Variants in GALNT7 observed in about 807,000 individuals in gnomAD.
The protein encoded by GALNT7 is polypeptide N-acetylgalactosaminyltransferase 7.
Under a neutral mutation model 82.1 loss-of-function variants are expected in GALNT7, and 60 were observed. The observed-to-expected ratio is 0.73, with a 90% confidence interval of 0.59 to 0.91. The LOEUF is 0.91. Among genes scored for constraint, GALNT7 ranks in the 40% least tolerant of loss-of-function variants. GALNT7 has a pLI of 0.00. For synonymous variants in GALNT7, 243 were observed against 275.1 expected, an observed-to-expected ratio of 0.88 and a Z score of 1.15; for missense variants, 660 against 804.2, an observed-to-expected ratio of 0.82 and a Z score of 2.17.
intron 1 of GALNT7, among the ~76,000 whole-genome samples, chr4:173,240,734 T>C (rs1316982680): frequency 6.6e-6 from 1 of 152,204 alleles, no homozygotes; most frequent in African/African-American, 2.4e-5. Flanking sequence ...ATGGGACTAA[T>C]ATGTCAGTGT....
chr4:173,227,405 C>T (rs983448468), intron 1 of GALNT7, among the ~76,000 whole-genome samples: 12 of 152,300 alleles, frequency 7.9e-5, no homozygotes, highest in African/African-American at 1.7e-4. Context: ...GATCTTGGCT[C>T]ACTGCAAGCT....
At chr4:173,258,888 A>G (rs757172087) in intron 2 of GALNT7, among the ~76,000 whole-genome samples, 4 of 152,206 alleles carry the variant, frequency 2.6e-5, no homozygotes, top group Non-Finnish European at 5.9e-5. Context: ...TTAGTGTGTC[A>G]TTATTGCAGA....
intron 1 of GALNT7, among the ~76,000 whole-genome samples, chr4:173,243,048 G>A (rs1194782540): frequency 6.6e-6 from 1 of 152,142 alleles, no homozygotes; most frequent in Non-Finnish European, 1.5e-5. Flanking sequence ...CTAAAGCTAA[G>A]TCATCATTTC....
Position 173,303,898 on chromosome 4 carries a change from A to C in GALNT7, c.1267-98A>C, listed in dbSNP as rs537664665. On this transcript the variant is annotated intron_variant, in intron 7 of 11. Transcript: ENST00000265000. ...TAAGAATTCTGTGTGGACACTGTAT[A>C]TAATTTAGATTTTAGATTTACACTT... 1.6e-5 allele frequency: 17 copies of C among 1,038,774 alleles called. 1 individual carries two copies. The South Asian group carries it at 2.6e-4, about 16-fold the overall frequency. The allele number at this position is 1,038,774 out of a possible 1,614,324, so 64.3% of individuals were successfully genotyped here. A position where few individuals can be genotyped will look rare whatever the true frequency, so the allele number is the denominator to read the frequency against.
intron 5 of GALNT7, 131 bp from the exon 6 acceptor site, chr4:173,297,984 A>C (rs1344085779): frequency 2.7e-6 from 4 of 1,499,304 alleles, no homozygotes; most frequent in Non-Finnish European, 3.5e-6. Flanking sequence ...ATCGGTAAAG[A>C]CTATTACTTT....
In GALNT7 at chr4:173,321,516, G is replaced by A. The variant is rs113548822; in HGVS notation, c.1837-64G>A. 1,565 of 1,155,650 alleles carry A rather than the reference G, an allele frequency of 1.4e-3. 16 individuals are homozygous for A. In the African/African-American group the frequency reaches 0.021, roughly 15 times the overall value. 71.6% of individuals were successfully genotyped at this position (1,155,650 alleles called of 1,614,324 possible). A position where few individuals can be genotyped will look rare whatever the true frequency, so the allele number is the denominator to read the frequency against. On this transcript the variant is annotated intron_variant, in intron 11 of 11. Transcript: ENST00000265000. ...TGTCTCCTCATGAAAGTCAAGTGAT[G>A]ATTTCTGATGTCAGTGATATCAAGG...
At chr4:173,246,496 GA>G (rs1434634576) in intron 1 of GALNT7, among the ~76,000 whole-genome samples, 9 of 152,150 alleles carry the variant, frequency 5.9e-5, no homozygotes, top group Non-Finnish European at 1.2e-4. Context: ...GGAAAGGCAG[GA>G]AAGCTTGCTT....
At chr4:173,284,455 C>G (rs1244428592) in intron 2 of GALNT7, among the ~76,000 whole-genome samples, 1 of 152,086 alleles carries the variant, frequency 6.6e-6, no homozygotes, top group East Asian at 1.9e-4. Flanking sequence ...ATATTTTTCC[C>G]TAAAACATAA....
At chr4:173,286,097 A>G (rs1736312661) in intron 2 of GALNT7, among the ~76,000 whole-genome samples, 1 of 152,262 alleles carries the variant, frequency 6.6e-6, no homozygotes, top group Non-Finnish European at 1.5e-5. Context: ...ACATATACCC[A>G]TAGCTCGGAT....
At chr4:173,198,806 AATG>A (rs1732859465) in intron 1 of GALNT7, among the ~76,000 whole-genome samples, 1 of 152,156 alleles carries the variant, frequency 6.6e-6, no homozygotes, top group Admixed American at 6.5e-5. Context: ...AAAAGATTGA[AATG>A]ATGATTCCAG....
chr4:173,242,149 C>T (rs1734457706), intron 1 of GALNT7, among the ~76,000 whole-genome samples: 1 of 152,072 alleles, frequency 6.6e-6, no homozygotes, highest in Admixed American at 6.5e-5. Context: ...GTCAACTCTA[C>T]TATTTTCTCT....
intron 2 of GALNT7, among the ~76,000 whole-genome samples, chr4:173,260,169 G>A (rs1735206463): frequency 6.6e-6 from 1 of 152,202 alleles, no homozygotes; most frequent in Non-Finnish European, 1.5e-5. Context: ...ATGAGTCCTT[G>A]CTCAGTGTCT....
intron 2 of GALNT7, among the ~76,000 whole-genome samples, chr4:173,258,730 G>A (rs570511510): frequency 9.2e-5 from 14 of 152,292 alleles, no homozygotes; most frequent in East Asian, 7.7e-4. Context: ...CACGTAACTC[G>A]AAGATGGAGA....
chr4:173,199,078 A>T (rs942769681), intron 1 of GALNT7, among the ~76,000 whole-genome samples: 1 of 152,222 alleles, frequency 6.6e-6, no homozygotes, highest in African/African-American at 2.4e-5. Flanking sequence ...GAGCATGTAT[A>T]AGAAGTATTT....
intron 1 of GALNT7, among the ~76,000 whole-genome samples, chr4:173,241,445 A>G (rs1734431961): frequency 6.6e-6 from 1 of 152,210 alleles, no homozygotes; most frequent in Non-Finnish European, 1.5e-5. Flanking sequence ...AGATCTTTAG[A>G]AAATTATTGT....
At chr4:173,197,402 T>C (rs2126647712) in intron 1 of GALNT7, among the ~76,000 whole-genome samples, 1 of 152,228 alleles carries the variant, frequency 6.6e-6, no homozygotes, top group Middle Eastern at 3.4e-3. Context: ...CACCCTAGAG[T>C]GGACTTTTAT....
rs759194547 is a variant in GALNT7, at chr4:173,292,126, T to C, written c.606T>C (p.Tyr202=). The C allele has an allele frequency of 1.2e-6, 2 of 1,607,470 alleles. No individual in the cohort carries two copies. The highest frequency in any genetic ancestry group is 4.5e-5 in the East Asian group (2 of 44,742). ...LRQEECKYWH[Y]DENLLTSSVV... Reference sequence around the variant, plus strand: ...TTTACAGATGCAAGTATTGGCATTATGATGAAAACTTGCTCACTTCGAGCG... The same window carrying C: ...TTTACAGATGCAAGTATTGGCATTACGATGAAAACTTGCTCACTTCGAGCG... Residue 202 remains tyrosine (Y), a synonymous_variant, in exon 3 of 12, where the codon TAT becomes TAC. Coordinates refer to ENST00000265000, the MANE Select transcript of GALNT7 (RefSeq NM_017423.3). The surrounding 1 kb of genome is among the most constrained non-coding windows in gnomAD (Gnocchi z 4.8).
intron 5 of GALNT7, 198 bp from the exon 6 acceptor site, chr4:173,297,917 A>G (rs1213354102): frequency 3.3e-6 from 5 of 1,500,064 alleles, no homozygotes; most frequent in Middle Eastern, 3.5e-4. Flanking sequence ...TTACTATGGA[A>G]ACGTATTCCT....
Position 173,168,962 on chromosome 4 carries a change from G to T in GALNT7, c.126+1G>T. The T allele has an allele frequency of 6.2e-7, 1 of 1,612,912 alleles. No homozygotes were observed. The highest frequency in any genetic ancestry group is 1.7e-5 in the Admixed American group (1 of 59,958). Reference sequence around the variant, plus strand: ...CCCAAGCCCGCTGAGCAGGATGAGGGTGAGTGACCCGCCCGGCCCCCTCCG... The same window carrying T: ...CCCAAGCCCGCTGAGCAGGATGAGGTTGAGTGACCCGCCCGGCCCCCTCCG... On this transcript the variant is annotated splice_donor_variant, in intron 1 of 11. Coordinates refer to ENST00000265000, the MANE Select transcript of GALNT7 (RefSeq NM_017423.3). LOFTEE classifies it high-confidence loss of function.
Sources: allele counts gnomAD v4.1 joint callset (sites outside exome capture counted in the v4.1 genomes callset), GRCh38; gene constraint gnomAD v4.1.1; non-coding constraint Gnocchi (gnomAD v3.1); transcripts MANE v1.5; gene names NCBI Gene and HGNC (gene_info 2026-07-23, HGNC 2026-07-21).